The following TENM3 variants were observed in gnomAD, a reference collection of about 807,000 sequenced individuals.
TENM3 encodes the protein teneurin-3.
In TENM3, 63 loss-of-function variants were observed where a neutral mutation model predicts 255.1. The observed-to-expected ratio is 0.25, with a 90% CI of 0.20 to 0.30. TENM3 has a LOEUF of 0.30. Among genes scored for constraint, TENM3 ranks in the 10% least tolerant of loss-of-function variants. TENM3 has a pLI of 1.00. For missense variants in TENM3, 2,929 were observed against 3,461.1 expected (o/e 0.85, Z 3.86); for synonymous variants, 1,306 against 1,322.3 (o/e 0.99, Z 0.27).
intron 5 of TENM3, among the ~76,000 whole-genome samples, chr4:182,637,559 A>G (rs1751945202): frequency 6.6e-6 from 1 of 152,208 alleles, no homozygotes; most frequent in Non-Finnish European, 1.5e-5. Flanking sequence ...GATTTAAAAA[A>G]ATTCCAGTTT....
intron 1 of TENM3, among the ~76,000 whole-genome samples, chr4:182,307,939 G>A (rs916072246): frequency 6.6e-6 from 1 of 152,332 alleles, no homozygotes; most frequent in East Asian, 1.9e-4. Flanking sequence ...GTGCCTGCTG[G>A]AACATTCTTG....
intron 3 of TENM3, among the ~76,000 whole-genome samples, chr4:182,385,262 CTTTT>C (rs397762118): frequency 8.9e-6 from 1 of 112,100 alleles, no homozygotes; most frequent in Non-Finnish European, 1.7e-5. Flanking sequence ...TATTGTGCGT[CTTTT>C]TTTTTTTTTT....
the TENM3 span, among the ~76,000 whole-genome samples, chr4:182,083,124 A>G: frequency 6.6e-6 from 1 of 152,198 alleles, no homozygotes; most frequent in African/African-American, 2.4e-5. Context: ...ATACTTAAGG[A>G]ATTATATTAG....
At chr4:182,310,560 G>A (rs1322990084) in intron 1 of TENM3, among the ~76,000 whole-genome samples, 1 of 152,142 alleles carries the variant, frequency 6.6e-6, no homozygotes, top group African/African-American at 2.4e-5. Flanking sequence ...GACCTCATTG[G>A]TCACATGTTC....
chr4:182,100,456 T>A, the TENM3 span, among the ~76,000 whole-genome samples: 92 of 117,216 alleles, frequency 7.8e-4, 2 homozygotes, highest in African/African-American at 2.1e-3. Flanking sequence ...AAAATATATA[T>A]ATATATATAT....
chr4:181,698,763 G>A, the TENM3 span, among the ~76,000 whole-genome samples: 3 of 152,074 alleles, frequency 2.0e-5, no homozygotes, highest in Non-Finnish European at 4.4e-5. Flanking sequence ...AGTGCCTTGC[G>A]ATTCTAGACA....
At chr4:181,590,045 T>C in the TENM3 span, among the ~76,000 whole-genome samples, 2 of 152,128 alleles carry the variant, frequency 1.3e-5, no homozygotes, top group Non-Finnish European at 2.9e-5. Context: ...ATCCTGCAAA[T>C]GTTATAAATA....
chr4:182,253,627 C>A (rs984404703), intron 1 of TENM3, among the ~76,000 whole-genome samples: 1 of 152,152 alleles, frequency 6.6e-6, no homozygotes, highest in African/African-American at 2.4e-5. Context: ...TTGAGCTTCT[C>A]CTTGTAATAT....
the TENM3 span, among the ~76,000 whole-genome samples, chr4:181,693,756 G>A: frequency 3.1e-4 from 47 of 152,170 alleles, no homozygotes; most frequent in African/African-American, 1.1e-3. Context: ...CTACCCTCAG[G>A]CAGAAGGACT....
chr4:181,530,252 G>A, the TENM3 span, among the ~76,000 whole-genome samples: 141 of 152,266 alleles, frequency 9.3e-4, no homozygotes, highest in South Asian at 1.7e-3. Flanking sequence ...TAAATAAGAT[G>A]AATGAATAAT....
the TENM3 span, chr4:181,976,395 G>C: frequency 1.3e-5 from 2 of 152,152 alleles, no homozygotes; most frequent in African/African-American, 4.8e-5. Context: ...CTGGGGTTAT[G>C]GGCATGGGCC....
At chr4:182,184,502 T>G (rs1030799605) in intron 1 of TENM3, among the ~76,000 whole-genome samples, 11 of 151,770 alleles carry the variant, frequency 7.2e-5, no homozygotes, top group African/African-American at 1.9e-4. Context: ...AGTTTTTTTT[T>G]TTTTTTTTTT....
intron 14 of TENM3, 144 bp from the exon 15 acceptor site, chr4:182,730,056 A>G: frequency 2.3e-6 from 2 of 888,260 alleles, no homozygotes; most frequent in South Asian, 3.6e-5. Flanking sequence ...TTGTCTTGGG[A>G]GTATTTCAGG....
chr4:182,790,926 A>G (rs1345100872), intron 25 of TENM3, among the ~76,000 whole-genome samples: 1 of 152,162 alleles, frequency 6.6e-6, no homozygotes, highest in African/African-American at 2.4e-5. Flanking sequence ...GCATGCATCC[A>G]GGAGGATCAG....
chr4:182,266,933 G>A (rs938055547), intron 1 of TENM3, among the ~76,000 whole-genome samples: 3 of 152,108 alleles, frequency 2.0e-5, no homozygotes, highest in Non-Finnish European at 4.4e-5. Flanking sequence ...TTGTTGTCTT[G>A]TTTTAATCCT....
chr4:182,323,057 T>A (rs375006241), intron 1 of TENM3, among the ~76,000 whole-genome samples: 77 of 152,216 alleles, frequency 5.1e-4, no homozygotes, highest in Middle Eastern at 3.4e-3. Flanking sequence ...CCATTTGAAA[T>A]GCGGATTCGC....
chr4:181,882,516 G>T, the TENM3 span, among the ~76,000 whole-genome samples: 2 of 152,130 alleles, frequency 1.3e-5, no homozygotes, highest in African/African-American at 4.8e-5. Flanking sequence ...GATATACAGG[G>T]GTGTCCATTC....
chr4:182,475,335 T>C (rs532223850), intron 3 of TENM3, among the ~76,000 whole-genome samples: 1 of 152,326 alleles, frequency 6.6e-6, no homozygotes, highest in South Asian at 2.1e-4. Context: ...ATTATGTAAA[T>C]ACAAAACTGG....
intron 6 of TENM3, among the ~76,000 whole-genome samples, chr4:182,671,946 G>A (rs187649192): frequency 2.0e-5 from 3 of 152,168 alleles, no homozygotes; most frequent in Admixed American, 6.5e-5. Context: ...TAACTCCTGC[G>A]CTCAAGTGAT....
Sources: gnomAD v4.1 joint callset for allele counts (sites outside exome capture counted in the v4.1 genomes callset) on GRCh38, gnomAD v4.1.1 for gene constraint, MANE v1.5 for transcripts, NCBI Gene and HGNC (gene_info 2026-07-23, HGNC 2026-07-21) for gene names.